CCNYL1: variants seen among roughly 807,000 people sequenced by gnomAD.
CCNYL1 encodes the protein cyclin Y like 1.
Under a neutral mutation model 44.2 loss-of-function variants are expected in CCNYL1, and 16 were observed. The ratio of observed to expected loss-of-function variants is 0.36; its 90% CI spans 0.25 to 0.55. The LOEUF is 0.55. Among genes scored for constraint, CCNYL1 ranks in the 20% least tolerant of loss-of-function variants. The pLI, the probability that CCNYL1 is intolerant of heterozygous loss-of-function variation, is 0.85. For synonymous variants in CCNYL1, 159 were observed against 163.2 expected (o/e 0.97, Z 0.20); for missense variants, 348 against 451.8 (o/e 0.77, Z 2.08).
chr2:207,754,345 G>GGAA lies in CCNYL1; in HGVS notation c.*649_*651dup, dbSNP rs2091915962. On this transcript the variant is annotated 3_prime_UTR_variant, in exon 10 of 10. Coordinates refer to ENST00000295414, the MANE Select transcript of CCNYL1 (RefSeq NM_001330218.2). ...TAGCATGTTTGGGGTCATAAACAGA[G>GGAA]GAAGTATCAGTTATTGATATCTACT... 6.6e-6 allele frequency: 1 copy of GGAA among 152,620 alleles called. No individual in the cohort carries two copies. Among genetic ancestry groups the GGAA allele is most frequent in the African/African-American group, 2.4e-5 (1 of 41,450 alleles). The allele number at this position is 152,620 out of a possible 1,614,324, so 9.5% of individuals were successfully genotyped here.
At chr2:207,717,680 G>A (rs1333031191) in intron 1 of CCNYL1, among the ~76,000 whole-genome samples, 1 of 152,120 alleles carries the variant, frequency 6.6e-6, no homozygotes, top group Non-Finnish European at 1.5e-5. Context: ...TGGTTGGTGA[G>A]AGCCAGGGGT....
chr2:207,724,778 T>C lies in CCNYL1; in HGVS notation c.221-22T>C, dbSNP rs60537915. 8,673 of 1,577,908 alleles carry C rather than the reference T, an allele frequency of 5.5e-3. 418 individuals are homozygous for C. In the African/African-American group the frequency reaches 0.1, roughly 18 times the overall value. On this transcript the variant is annotated intron_variant, in intron 1 of 9. Transcript: ENST00000295414. ...TTTTCTACTCACCTAAAGTGTCACG[T>C]CTTTTTCCTCCTCTTCTATAGATTT...
chr2:207,753,672 C>G lies in CCNYL1; in HGVS notation c.1054C>G (p.Gln352Glu), dbSNP rs147727720. The change falls in exon 10 of 10, where the codon CAG becomes GAG. Residue 352 changes from glutamine (Q) to glutamate (E), a missense_variant. Gln to Glu is a conservative substitution (Grantham distance 29). This residue lies in a region of CCNYL1 where 94 missense variants were observed against 102.4 expected (regional missense o/e 0.92). Transcript: ENST00000295414. Reference protein sequence around the residue: ...SFSADNFIGIQRSKAILS With the variant: ...SFSADNFIGIERSKAILS ...CAGTGCTGATAACTTCATTGGTATT[C>G]AGCGCTCTAAAGCCATCCTCTCTTA... 5 of 1,612,176 alleles carry G rather than the reference C, an allele frequency of 3.1e-6. No homozygotes were observed. The highest frequency in any genetic ancestry group is 4.2e-6 in the Non-Finnish European group (5 of 1,178,564).
At chr2:207,715,626 T>C (rs948355193) in intron 1 of CCNYL1, among the ~76,000 whole-genome samples, 3 of 151,644 alleles carry the variant, frequency 2.0e-5, no homozygotes, top group Non-Finnish European at 4.4e-5. Flanking sequence ...GCGATCCAGC[T>C]GCCTTGGCCT....
chr2:207,739,465 A>T (rs1436240452), intron 5 of CCNYL1, among the ~76,000 whole-genome samples: 1 of 152,048 alleles, frequency 6.6e-6, no homozygotes, highest in East Asian at 1.9e-4. Flanking sequence ...CCTGACCTCA[A>T]GTGATCCACC....
chr2:207,718,503 CAA>C (rs113724218), intron 1 of CCNYL1, among the ~76,000 whole-genome samples: 1 of 118,196 alleles, frequency 8.5e-6, no homozygotes. Context: ...GAGACTGTCT[CAA>C]AAAAAAAAAA....
intron 1 of CCNYL1, 67 bp downstream of exon 1, chr2:207,712,183 C>T (rs1186678269): frequency 1.7e-5 from 23 of 1,377,508 alleles, no homozygotes; most frequent in Non-Finnish European, 2.3e-5. Flanking sequence ...CCAGAGTCCC[C>T]CGGGAGGCAT....
At chr2:207,720,691 A>G (rs2091633812) in intron 1 of CCNYL1, among the ~76,000 whole-genome samples, 1 of 152,182 alleles carries the variant, frequency 6.6e-6, no homozygotes, top group African/African-American at 2.4e-5. Flanking sequence ...CTGGGATTAC[A>G]GGTGTGAGTC....
chr2:207,740,845 T>C, intron 6 of CCNYL1, 139 bp downstream of exon 6: 3 of 619,914 alleles, frequency 4.8e-6, no homozygotes, highest in Non-Finnish European at 8.4e-6. Context: ...TTAAATCAAT[T>C]AAAATGGTGT....
At chr2:207,714,338 T>TTTA in intron 1 of CCNYL1, 1 of 386,720 alleles carries the variant, frequency 2.6e-6, no homozygotes, top group Non-Finnish European at 4.9e-6. Flanking sequence ...TTTTTTTTTT[T>TTTA]AAGAGAAAGA....
At chr2:207,723,891 A>T (rs1226330893) in intron 1 of CCNYL1, among the ~76,000 whole-genome samples, 1 of 151,770 alleles carries the variant, frequency 6.6e-6, no homozygotes, top group African/African-American at 2.4e-5. Context: ...AAAAAAAAAA[A>T]AAAAGACCTT....
At chr2:207,737,680 G>A (rs1213577503) in intron 5 of CCNYL1, among the ~76,000 whole-genome samples, 2 of 145,292 alleles carry the variant, frequency 1.4e-5, no homozygotes, top group Non-Finnish European at 2.9e-5. Context: ...ATTAGAAATT[G>A]AAGTTGAGAA....
chr2:207,726,619 C>T (rs2091681750), intron 2 of CCNYL1, among the ~76,000 whole-genome samples: 1 of 152,070 alleles, frequency 6.6e-6, no homozygotes, highest in African/African-American at 2.4e-5. Context: ...CTTTCATTTC[C>T]ATGTAATAGA....
At chr2:207,742,417 A>G in intron 7 of CCNYL1, 75 bp downstream of exon 7, 3 of 1,338,040 alleles carry the variant, frequency 2.2e-6, no homozygotes, top group Non-Finnish European at 3.0e-6. Flanking sequence ...TTTTTCAAAT[A>G]AAAATAGGTT....
rs146249246 is a variant in CCNYL1 at position 207,722,581 on chromosome 2, T to G, written c.221-2219T>G. Among the ~76,000 whole-genome samples, 549 of 152,244 alleles carry G rather than the reference T, an allele frequency of 3.6e-3. 4 individuals are homozygous for G. Among genetic ancestry groups the G allele is most frequent in the African/African-American group, 0.013 (526 of 41,558 alleles). ...GGTACTGATTCATAATATGGCTTCTTCTGTAAACATTAGTTATTTTTTAGA... is the reference window on the plus strand; with the variant it reads ...GGTACTGATTCATAATATGGCTTCTGCTGTAAACATTAGTTATTTTTTAGA... On this transcript the variant is annotated intron_variant, in intron 1 of 9. Transcript: ENST00000295414.
rs1328291704 is a variant in CCNYL1, at chr2:207,711,983, G to A, written c.87G>A (p.Ala29=). 6.9e-7 allele frequency: 1 copy of A among 1,453,566 alleles called. No homozygotes were observed. The highest frequency in any genetic ancestry group is 2.8e-5 in the East Asian group (1 of 35,730). 90.0% of individuals were successfully genotyped at this position (1,453,566 alleles called of 1,614,324 possible). A position where few individuals can be genotyped will look rare whatever the true frequency, so the allele number is the denominator to read the frequency against. Residue 29 remains alanine, a synonymous_variant, in exon 1 of 10, where the codon GCG becomes GCA. Transcript: ENST00000295414. ...RRAGSAELYC[A]SDIYEAVSGD... ...CGGGGTCGGCGGAGCTGTACTGCGC[G>A]TCCGACATCTACGAGGCGGTGTCCG...
chr2:207,713,110 A>G (rs2091565998), intron 1 of CCNYL1, among the ~76,000 whole-genome samples: 1 of 152,186 alleles, frequency 6.6e-6, no homozygotes, highest in Non-Finnish European at 1.5e-5. Flanking sequence ...CACCGCGCCC[A>G]GAGGTTGTTA....
intron 3 of CCNYL1, among the ~76,000 whole-genome samples, chr2:207,729,138 A>G (rs1024252121): frequency 8.6e-5 from 13 of 151,996 alleles, no homozygotes; most frequent in Middle Eastern, 3.4e-3. Flanking sequence ...TCTGTAGACT[A>G]TGTCTTCTAG....
intron 1 of CCNYL1, among the ~76,000 whole-genome samples, chr2:207,713,450 G>GGT (rs1457566172): frequency 6.6e-6 from 1 of 152,128 alleles, no homozygotes; most frequent in African/African-American, 2.4e-5. Context: ...AAACCGTTGA[G>GGT]GTAGGGGTGA....
Sources: allele counts gnomAD v4.1 joint callset (sites outside exome capture counted in the v4.1 genomes callset), GRCh38; gene constraint gnomAD v4.1.1; regional missense constraint gnomAD v4.1.1; transcripts MANE v1.5; gene names NCBI Gene and HGNC (gene_info 2026-07-23, HGNC 2026-07-21).